The following XRRA1 variants were observed in gnomAD, a reference collection of about 807,000 sequenced individuals.
The protein encoded by XRRA1 is X-ray radiation resistance-associated protein 1.
In XRRA1, 69 loss-of-function variants were observed where a neutral mutation model predicts 80.2. The ratio of observed to expected loss-of-function variants is 0.86; its 90% confidence interval spans 0.71 to 1.05. The LOEUF (loss-of-function observed/expected upper bound fraction) is 1.05. XRRA1 is among the 50% of genes least tolerant of loss of function. The pLI is 0.00. For missense variants in XRRA1, 967 were observed against 976.4 expected, an observed-to-expected ratio of 0.99 and a Z score of 0.13; for synonymous variants, 348 against 389.9, an observed-to-expected ratio of 0.89 and a Z score of 1.27.
intron 10 of XRRA1, among the ~76,000 whole-genome samples, chr11:74,878,510 T>A (rs1388119977): frequency 6.6e-6 from 1 of 152,208 alleles, no homozygotes; most frequent in Non-Finnish European, 1.5e-5. Flanking sequence ...GCCATTGCTT[T>A]TGGTGTTTTA....
chr11:74,872,172 C>G (rs192676275), intron 10 of XRRA1, among the ~76,000 whole-genome samples: 17 of 152,250 alleles, frequency 1.1e-4, no homozygotes, highest in Admixed American at 9.8e-4. Flanking sequence ...GAGAGCCAAA[C>G]CTCTTCATTA....
At chr11:74,864,691 G>A (rs1314619106) in intron 10 of XRRA1, among the ~76,000 whole-genome samples, 2 of 152,204 alleles carry the variant, frequency 1.3e-5, no homozygotes, top group East Asian at 3.8e-4. Context: ...TGGTGGAAAG[G>A]CTTGTCTGCC....
At chr11:74,907,121 G>A in intron 9 of XRRA1, 24 bp downstream of exon 9, 1 of 1,612,612 alleles carries the variant, frequency 6.2e-7, no homozygotes, top group South Asian at 1.1e-5. Context: ...AGGAGGCCCA[G>A]CAGAGAAAGG....
At chr11:74,848,906 G>T (rs999963550) in intron 14 of XRRA1, among the ~76,000 whole-genome samples, 3 of 152,234 alleles carry the variant, frequency 2.0e-5, no homozygotes, top group African/African-American at 7.2e-5. Context: ...CGAGGAGAGG[G>T]TGTTGGGGAA....
Position 74,923,390 on chromosome 11 carries a change from T to C in XRRA1, c.523-2043A>G, listed in dbSNP as rs556435945. On this transcript the variant is annotated intron_variant, in intron 7 of 18. Coordinates refer to ENST00000684022, the MANE Select transcript of XRRA1 (RefSeq NM_001378157.1). ...GGTTCAGACAATGAGGCAATCCCAC[T>C]TGGCTGGAGCAAACAGAGAAGCCTA... Among the ~76,000 whole-genome samples, 143 of 152,232 alleles carry C rather than the reference T, an allele frequency of 9.4e-4. 1 individual carries two copies. Among genetic ancestry groups the C allele is most frequent in the African/African-American group, 3.3e-3 (139 of 41,548 alleles).
In XRRA1 at chr11:74,921,224, C is replaced by T. The variant is rs199731021; in HGVS notation, c.646G>A (p.Val216Ile). 194 of 1,613,740 alleles carry T rather than the reference C, an allele frequency of 1.2e-4. 1 individual carries two copies. The Middle Eastern group carries it at 8.4e-3, about 70-fold the overall frequency. Reference sequence around the variant, plus strand: ...GGAGGTAGAACTTACTGTTCTGCGACGGCCAAATTGGGCGGCAGGGAGGTA... The same window carrying T: ...GGAGGTAGAACTTACTGTTCTGCGATGGCCAAATTGGGCGGCAGGGAGGTA... ...GLTSLPPNLAVAEQEASVTSL... is the reference protein window; with the variant it reads ...GLTSLPPNLAIAEQEASVTSL... Residue 216 changes from valine (V) to isoleucine (I), a missense_variant, in exon 8 of 19, where the codon GTC becomes ATC. By Grantham distance (29) the Val-to-Ile change is conservative. Transcript: ENST00000684022.
At chr11:74,914,189 T>C (rs188417952) in intron 8 of XRRA1, among the ~76,000 whole-genome samples, 1 of 152,226 alleles carries the variant, frequency 6.6e-6, no homozygotes, top group Non-Finnish European at 1.5e-5. Context: ...TTTTGCCACA[T>C]TGGCCAAGCT....
At position 74,941,749 on chromosome 11, in the gene XRRA1, A is replaced by T. The variant is rs76769340; in HGVS notation, c.-4-867T>A. ...CCCAGTGGCAACTGGGATTGCAGTT[A>T]GGGGAGTATTGCAGCAACCCAGGGA... On this transcript the variant is annotated intron_variant, in intron 2 of 18. Transcript: ENST00000684022. Among the ~76,000 whole-genome samples the T allele has an allele frequency of 2.7e-3, 414 of 152,280 alleles. 2 individuals carry two copies. The highest frequency in any genetic ancestry group is 9.7e-3 in the African/African-American group (404 of 41,552).
chr11:74,857,875 T>C (rs1327596968), intron 12 of XRRA1, among the ~76,000 whole-genome samples: 1 of 151,574 alleles, frequency 6.6e-6, no homozygotes, highest in East Asian at 1.9e-4. Flanking sequence ...AAAGAAGAAA[T>C]CACAGGAAAA....
At chr11:74,844,885 CAG>C (rs962170932) in intron 16 of XRRA1, among the ~76,000 whole-genome samples, 186 bp downstream of exon 16, 1 of 152,248 alleles carries the variant, frequency 6.6e-6, no homozygotes, top group African/African-American at 2.4e-5. Flanking sequence ...TAGGCCAGGA[CAG>C]GGGTCCCAAT....
intron 9 of XRRA1, 46 bp downstream of exon 9, chr11:74,907,099 C>G (rs766206277): frequency 6.2e-7 from 1 of 1,610,276 alleles, no homozygotes; most frequent in South Asian, 1.1e-5. Flanking sequence ...TGTGAGCAAG[C>G]CTGGGGATTA....
intron 3 of XRRA1, among the ~76,000 whole-genome samples, chr11:74,938,303 C>T (rs761826295): frequency 3.3e-5 from 5 of 152,146 alleles, no homozygotes; most frequent in Non-Finnish European, 2.9e-5. Context: ...CTCCAGTTAC[C>T]CCATTTCCCA....
chr11:74,847,377 G>A (rs2038551497), intron 15 of XRRA1, among the ~76,000 whole-genome samples: 1 of 152,054 alleles, frequency 6.6e-6, no homozygotes, highest in South Asian at 2.1e-4. Context: ...GTTCAAGGGG[G>A]CCCTGCCAAC....
rs1284002569 is a variant in XRRA1, at chr11:74,848,140, C to T, written c.1703G>A (p.Ser568Asn). The T allele has an allele frequency of 2.5e-6, 4 of 1,611,780 alleles. No individual in the cohort carries two copies. In the South Asian group the frequency reaches 3.3e-5, roughly 13 times the overall value. ...PERPSDEDSK[S>N]TESIFLTQVS... ...CTGGGTCAGGAAGATGGACTCTGTG[C>T]TCTTGGAGTCCTCATCTGATGGGCG... The change falls in exon 15 of 19, where the codon AGC becomes AAC. Residue 568 changes from serine to asparagine, a missense_variant. Ser to Asn is a conservative substitution (Grantham distance 46). Transcript: ENST00000684022.
intron 12 of XRRA1, among the ~76,000 whole-genome samples, chr11:74,854,645 A>G (rs997883322): frequency 3.9e-5 from 6 of 152,176 alleles, no homozygotes; most frequent in Non-Finnish European, 8.8e-5. Flanking sequence ...CACTCTTAGC[A>G]AACAGGCTAT....
chr11:74,869,956 G>A (rs981053358), intron 10 of XRRA1, among the ~76,000 whole-genome samples: 11 of 152,136 alleles, frequency 7.2e-5, no homozygotes, highest in Admixed American at 7.2e-4. Flanking sequence ...CAAACCTCGG[G>A]TATCACCCCC....
At chr11:74,866,141 CAA>C (rs1038854508) in intron 10 of XRRA1, among the ~76,000 whole-genome samples, 1 of 152,188 alleles carries the variant, frequency 6.6e-6, no homozygotes, top group Admixed American at 6.5e-5. Flanking sequence ...ATGACGTCAC[CAA>C]ACAGACAAAA....
intron 10 of XRRA1, among the ~76,000 whole-genome samples, chr11:74,887,135 A>G (rs1419195484): frequency 6.6e-6 from 1 of 152,216 alleles, no homozygotes; most frequent in Non-Finnish European, 1.5e-5. Flanking sequence ...TAGCCTAGGA[A>G]ATACACTTCT....
At chr11:74,907,542 G>A (rs2054907955) in intron 8 of XRRA1, among the ~76,000 whole-genome samples, 1 of 152,188 alleles carries the variant, frequency 6.6e-6, no homozygotes, top group African/African-American at 2.4e-5. Flanking sequence ...GCAGGATGGG[G>A]GATTGTATAG....
Sources: allele counts gnomAD v4.1 joint callset (sites outside exome capture counted in the v4.1 genomes callset), GRCh38; gene constraint gnomAD v4.1.1; transcripts MANE v1.5; gene names NCBI Gene and HGNC (gene_info 2026-07-23, HGNC 2026-07-21).